Variants in RGS6 observed in about 807,000 individuals in gnomAD.
The protein encoded by RGS6 is regulator of G protein signaling 6, also known as regulator of G-protein signaling 6.
RGS6 carries 30 observed loss-of-function variants against 78.5 expected under a neutral mutation model. The ratio of observed to expected loss-of-function variants is 0.38; its 90% CI spans 0.29 to 0.52. The LOEUF is 0.52. Among genes scored for constraint, RGS6 ranks in the 20% least tolerant of loss-of-function variants. The probability of loss-of-function intolerance (pLI) is 0.85; values close to 1 mark genes in which losing one functional copy is unlikely to be tolerated. For missense variants in RGS6, 495 were observed against 609.7 expected, an observed-to-expected ratio of 0.81 and a Z score of 1.98; for synonymous variants, 206 against 206.0, an observed-to-expected ratio of 1.00 and a Z score of 0.00.
At position 72,114,307 on chromosome 14, in the gene RGS6, T is replaced by G. The variant is rs778054187; in HGVS notation, c.84+149432T>G. Among the ~76,000 whole-genome samples the G allele has an allele frequency of 2.9e-4, 44 of 152,192 alleles. 1 individual carries two copies. The highest frequency in any genetic ancestry group is 5.7e-4 in the Non-Finnish European group (39 of 68,032). Reference sequence around the variant, plus strand: ...CATTTACTGCAGGCGGGTCTATAGATCCAGTCTCTCCCCTGCCAGTCTCTC... The same window carrying G: ...CATTTACTGCAGGCGGGTCTATAGAGCCAGTCTCTCCCCTGCCAGTCTCTC... On this transcript the variant is annotated intron_variant, in intron 2 of 17. Coordinates refer to ENST00000553525, the MANE Select transcript of RGS6 (RefSeq NM_001204424.2).
intron 2 of RGS6, among the ~76,000 whole-genome samples, chr14:72,098,278 C>T (rs909146530): frequency 6.6e-6 from 1 of 152,214 alleles, no homozygotes; most frequent in Non-Finnish European, 1.5e-5. Context: ...GATGTCACAG[C>T]ATTTCCTGTA....
intron 1 of RGS6, among the ~76,000 whole-genome samples, chr14:71,947,098 T>TA (rs1467092722): frequency 6.6e-6 from 1 of 152,206 alleles, no homozygotes; most frequent in East Asian, 1.9e-4. Flanking sequence ...TTTTGCTTTA[T>TA]TACAGTTAGT....
chr14:72,171,115 C>T (rs2097009035), intron 2 of RGS6, among the ~76,000 whole-genome samples: 1 of 152,076 alleles, frequency 6.6e-6, no homozygotes, highest in Non-Finnish European at 1.5e-5. Context: ...TTTAATTACA[C>T]ACATATCCAT....
chr14:72,089,511 C>T (rs1267355502), intron 2 of RGS6, among the ~76,000 whole-genome samples: 1 of 152,164 alleles, frequency 6.6e-6, no homozygotes, highest in East Asian at 1.9e-4. Flanking sequence ...ATGTATCTTT[C>T]CTGTTAGATA....
At chr14:72,046,925 A>T (rs929733913) in intron 2 of RGS6, among the ~76,000 whole-genome samples, 2 of 152,198 alleles carry the variant, frequency 1.3e-5, no homozygotes, top group African/African-American at 4.8e-5. Context: ...AATAGTAAAA[A>T]TTGACTTCAC....
At position 72,278,195 on chromosome 14, in the gene RGS6, A is replaced by G. The variant is rs541700476; in HGVS notation, c.85-73900A>G. On this transcript the variant is annotated intron_variant, in intron 2 of 17. Transcript: ENST00000553525. ...TATCTTTAACATACAAACATGTATT[A>G]TGAATCTCTGAGCATCCTTCAACGA... Among the ~76,000 whole-genome samples, 3 of 152,348 alleles carry G rather than the reference A, an allele frequency of 2.0e-5. No individual in the cohort carries two copies. The East Asian group carries it at 5.8e-4, about 29-fold the overall frequency.
At chr14:72,510,853 A>T (rs997289157) in intron 14 of RGS6, among the ~76,000 whole-genome samples, 5 of 152,216 alleles carry the variant, frequency 3.3e-5, no homozygotes, top group African/African-American at 1.2e-4. Context: ...TACTCTGATC[A>T]TCTGACGCCA....
chr14:72,450,685 TG>T (rs1277884043), intron 3 of RGS6, among the ~76,000 whole-genome samples: 2 of 152,150 alleles, frequency 1.3e-5, no homozygotes, highest in African/African-American at 4.8e-5. Flanking sequence ...AAACCAGTCG[TG>T]GTAACAAGGC....
chr14:72,197,220 C>T (rs1030753563), intron 2 of RGS6, among the ~76,000 whole-genome samples: 3 of 152,154 alleles, frequency 2.0e-5, no homozygotes, highest in Non-Finnish European at 4.4e-5. Flanking sequence ...TGCACGCCAC[C>T]ATGCCTGGCT....
the RGS6 span, among the ~76,000 whole-genome samples, chr14:72,580,299 C>T: frequency 3.6e-5 from 5 of 137,732 alleles, no homozygotes; most frequent in African/African-American, 1.7e-4. Flanking sequence ...TGTATCTCAG[C>T]AAAAATGTCC....
intron 2 of RGS6, among the ~76,000 whole-genome samples, chr14:71,976,660 A>G (rs1465874969): frequency 6.6e-6 from 1 of 152,116 alleles, no homozygotes; most frequent in Non-Finnish European, 1.5e-5. Flanking sequence ...CCAGTCTATC[A>G]TTGTTGGACA....
intron 2 of RGS6, among the ~76,000 whole-genome samples, chr14:72,192,505 A>C (rs2097339246): frequency 6.6e-6 from 1 of 152,152 alleles, no homozygotes; most frequent in Non-Finnish European, 1.5e-5. Flanking sequence ...TCACTCTCTC[A>C]GGAGAAGGTC....
chr14:72,289,325 TTCTTTC>T (rs2063156502), intron 2 of RGS6, among the ~76,000 whole-genome samples: 2 of 102,146 alleles, frequency 2.0e-5, no homozygotes, highest in Non-Finnish European at 4.3e-5. Context: ...CTTATTTTCT[TTCTTTC>T]TCTCTCTCTC....
At chr14:72,379,577 C>A (rs902250138) in intron 3 of RGS6, among the ~76,000 whole-genome samples, 5 of 151,766 alleles carry the variant, frequency 3.3e-5, no homozygotes, top group South Asian at 2.1e-4. Flanking sequence ...ATCCTACTTA[C>A]AATAGTTACA....
intron 3 of RGS6, among the ~76,000 whole-genome samples, chr14:72,365,773 T>C (rs1479485364): frequency 6.6e-6 from 1 of 152,100 alleles, no homozygotes; most frequent in African/African-American, 2.4e-5. Context: ...TTTAAATAAA[T>C]ACATTGAATA....
At chr14:72,307,359 G>A (rs1398754563) in intron 2 of RGS6, among the ~76,000 whole-genome samples, 1 of 151,754 alleles carries the variant, frequency 6.6e-6, no homozygotes, top group African/African-American at 2.4e-5. Context: ...GTATTTCTGA[G>A]GTATGCCTAT....
the RGS6 span, among the ~76,000 whole-genome samples, chr14:71,907,419 G>A: frequency 4.6e-5 from 7 of 152,160 alleles, no homozygotes; most frequent in South Asian, 2.1e-4. Flanking sequence ...GGGCTGGGGC[G>A]TAGAAGGAAG....
intron 10 of RGS6, among the ~76,000 whole-genome samples, chr14:72,475,830 G>A (rs72726150): frequency 1.1e-4 from 16 of 145,604 alleles, no homozygotes; most frequent in East Asian, 1.0e-3. Flanking sequence ...AAAAATACAC[G>A]CACACACACA....
chr14:72,171,848 T>A (rs1211579190), intron 2 of RGS6, among the ~76,000 whole-genome samples: 1 of 152,224 alleles, frequency 6.6e-6, no homozygotes, highest in Non-Finnish European at 1.5e-5. Context: ...ATGAGATAGG[T>A]AGTGTTATTA....
Sources: gnomAD v4.1 joint callset for allele counts (sites outside exome capture counted in the v4.1 genomes callset) on GRCh38, gnomAD v4.1.1 for gene constraint, MANE v1.5 for transcripts, NCBI Gene and HGNC (gene_info 2026-07-23, HGNC 2026-07-21) for gene names.